Variants in SLC38A4 observed in about 807,000 individuals in gnomAD.
SLC38A4 encodes the protein solute carrier family 38 member 4, also known as sodium-coupled neutral amino acid transporter 4.
In SLC38A4, 20 loss-of-function variants were observed where a neutral mutation model predicts 63.1. The ratio of observed to expected loss-of-function variants is 0.32; its 90% CI spans 0.22 to 0.46. The LOEUF (loss-of-function observed/expected upper bound fraction) is 0.46. Among genes scored for constraint, SLC38A4 ranks in the 20% least tolerant of loss-of-function variants. SLC38A4 has a pLI of 1.00. For synonymous variants in SLC38A4, 230 were observed against 225.5 expected (o/e 1.02, Z -0.18); for missense variants, 526 against 663.6 (o/e 0.79, Z 2.28).
intron 2 of SLC38A4, among the ~76,000 whole-genome samples, chr12:46,797,103 T>C (rs1939025211): frequency 6.6e-6 from 1 of 152,130 alleles, no homozygotes; most frequent in Non-Finnish European, 1.5e-5. Context: ...TTGCTTGACT[T>C]CCTTAAAGCT....
At chr12:46,803,847 T>C (rs1383518082) in intron 1 of SLC38A4, 53 bp from the exon 2 acceptor site, 1 of 151,920 alleles carries the variant, frequency 6.6e-6, no homozygotes, top group Non-Finnish European at 1.5e-5. Flanking sequence ...TACATTTGGA[T>C]TAAACATCAG....
chr12:46,797,704 A>C (rs1292860512), intron 2 of SLC38A4, among the ~76,000 whole-genome samples: 2 of 152,128 alleles, frequency 1.3e-5, no homozygotes, highest in African/African-American at 4.8e-5. Context: ...TGATGAATAC[A>C]TATACCAAAG....
intron 4 of SLC38A4, among the ~76,000 whole-genome samples, 186 bp from the exon 5 acceptor site, chr12:46,788,217 G>C (rs985896948): frequency 1.3e-5 from 2 of 152,170 alleles, no homozygotes; most frequent in African/African-American, 4.8e-5. Context: ...GCAGTGCTTG[G>C]TTTCAGCAGA....
Position 46,815,270 on chromosome 12 carries a change from TATATATATATATATAC to T in SLC38A4, c.-305+10617_-305+10632del, listed in dbSNP as rs1222339892. On this transcript the variant is annotated intron_variant, in intron 1 of 16. Coordinates refer to ENST00000266579, the MANE Select transcript of SLC38A4 (RefSeq NM_018018.5). ...ATATATATATATATATATATATATA[TATATATATATATATAC>T]ACACACACACACACACACACACAGA... is the stretch of plus-strand genomic sequence containing the variant. Among the ~76,000 whole-genome samples the T allele has an allele frequency of 1.4e-3, 90 of 64,692 alleles. No homozygotes were observed. In the South Asian group the frequency reaches 0.048, roughly 34 times the overall value. The allele number at this position is 64,692 out of a possible 152,430, so 42.4% of individuals were successfully genotyped here.
At chr12:46,796,645 C>A (rs936827191) in intron 2 of SLC38A4, among the ~76,000 whole-genome samples, 2 of 152,070 alleles carry the variant, frequency 1.3e-5, no homozygotes, top group African/African-American at 4.8e-5. Context: ...GCAGTTACTC[C>A]GGGGGTGAAG....
chr12:46,831,932 C>T (rs986042744), intron 1 of SLC38A4, among the ~76,000 whole-genome samples: 4 of 152,076 alleles, frequency 2.6e-5, no homozygotes, highest in African/African-American at 7.2e-5. Context: ...AATCCCAGTG[C>T]GGGAGGCGGA....
chr12:46,779,932 G>A lies in SLC38A4; in HGVS notation c.575+17C>T. The stretch of plus-strand genomic sequence containing the variant: ...AGAATGAGTCACTTGATGTCACAGA[G>A]GGAGCATAAGACATACCCAGTATTT... On this transcript the variant is annotated intron_variant, in intron 8 of 16. Coordinates refer to ENST00000266579, the MANE Select transcript of SLC38A4 (RefSeq NM_018018.5). 1 of 1,610,290 alleles carries A rather than the reference G, an allele frequency of 6.2e-7. No homozygotes were observed. The highest frequency in any genetic ancestry group is 1.1e-5 in the South Asian group (1 of 90,972).
Position 46,784,545 on chromosome 12 carries a change from C to G in SLC38A4, c.490G>C (p.Gly164Arg). 6.2e-7 allele frequency: 1 copy of G among 1,611,296 alleles called. No homozygotes were observed. The highest frequency in any genetic ancestry group is 8.5e-7 in the Non-Finnish European group (1 of 1,178,458). The change falls in exon 7 of 17, where the codon GGA (glycine) becomes CGA (arginine). Residue 164 changes from glycine (G) to arginine (R), a missense_variant. Coordinates refer to ENST00000266579, the MANE Select transcript of SLC38A4 (RefSeq NM_018018.5). ...AFVSITMQNI[G>R]AMSSYLFIIK... is the part of the protein sequence containing the mutation. ...ATTGAAAAGTATATCCCCTTACCTC[C>G]AATGTTCTGCATTGTAATGGAAACA...
intron 16 of SLC38A4, among the ~76,000 whole-genome samples, chr12:46,767,380 A>G (rs1433555663): frequency 1.3e-5 from 2 of 152,104 alleles, no homozygotes; most frequent in Non-Finnish European, 2.9e-5. Flanking sequence ...TCCTAATCCT[A>G]CATATAAGAA....
intron 7 of SLC38A4, among the ~76,000 whole-genome samples, chr12:46,781,828 T>G (rs1938648917): frequency 6.6e-6 from 1 of 152,146 alleles, no homozygotes; most frequent in African/African-American, 2.4e-5. Flanking sequence ...GCCACTCAAC[T>G]TCTTGAGTCC....
chr12:46,808,517 T>C (rs1341207509), intron 1 of SLC38A4, among the ~76,000 whole-genome samples: 5 of 73,878 alleles, frequency 6.8e-5, no homozygotes, highest in African/African-American at 3.1e-4. Flanking sequence ...AACAAGAAAA[T>C]TAAATTAAAA....
intron 14 of SLC38A4, among the ~76,000 whole-genome samples, chr12:46,769,910 T>G (rs1938381026): frequency 6.6e-6 from 1 of 152,114 alleles, no homozygotes; most frequent in South Asian, 2.1e-4. Flanking sequence ...ATGACAAAAT[T>G]GCCTAAAGAT....
intron 12 of SLC38A4, 80 bp from the exon 13 acceptor site, chr12:46,777,084 A>T: frequency 8.7e-7 from 1 of 1,148,388 alleles, no homozygotes; most frequent in Non-Finnish European, 1.3e-6. Context: ...ATAATAATAA[A>T]AAAGTATATC....
At chr12:46,771,054 A>T (rs566892687) in intron 14 of SLC38A4, among the ~76,000 whole-genome samples, 2 of 152,290 alleles carry the variant, frequency 1.3e-5, no homozygotes, top group East Asian at 3.9e-4. Flanking sequence ...GACAAACCAG[A>T]TAGTCTCTGG....
chr12:46,765,125 A>G lies in SLC38A4; in HGVS notation c.*1576T>C, dbSNP rs1938269988. 6.5e-6 allele frequency: 1 copy of G among 152,682 alleles called. No homozygotes were observed. The highest frequency in any genetic ancestry group is 2.1e-4 in the South Asian group (1 of 4,834). 9.5% of individuals were successfully genotyped at this position (152,682 alleles called of 1,614,324 possible). On this transcript the variant is annotated 3_prime_UTR_variant, in exon 17 of 17. Transcript: ENST00000266579. ...GATTTTTTTCAAATAATAGTAGCTC[A>G]AAAGTACGTGTATGATACTTGTACT...
intron 6 of SLC38A4, 147 bp downstream of exon 6, chr12:46,784,957 A>G: frequency 2.6e-6 from 2 of 771,464 alleles, no homozygotes; most frequent in Non-Finnish European, 4.4e-6. Flanking sequence ...CCAAACAACT[A>G]TAAACACTGA....
chr12:46,796,632 G>A (rs951416669), intron 2 of SLC38A4, among the ~76,000 whole-genome samples: 2 of 152,132 alleles, frequency 1.3e-5, no homozygotes, highest in African/African-American at 4.8e-5. Flanking sequence ...TGCCACTCTA[G>A]GAGCAGTTAC....
chr12:46,792,180 C>T (rs2429466), intron 3 of SLC38A4, among the ~76,000 whole-genome samples: 9,906 of 151,994 alleles, frequency 0.065, 658 homozygotes, highest in East Asian at 0.25. Flanking sequence ...GAAATCAGGG[C>T]TCTCTCCCTG....
At chr12:46,798,864 G>A (rs193071744) in intron 2 of SLC38A4, among the ~76,000 whole-genome samples, 1 of 152,154 alleles carries the variant, frequency 6.6e-6, no homozygotes, top group Admixed American at 6.5e-5. Context: ...TTCATGCTAT[G>A]CCACCTTTGT....
Sources: allele counts gnomAD v4.1 joint callset (sites outside exome capture counted in the v4.1 genomes callset), GRCh38; gene constraint gnomAD v4.1.1; transcripts MANE v1.5; gene names NCBI Gene and HGNC (gene_info 2026-07-23, HGNC 2026-07-21).